The following EPB41L2 variants were observed in gnomAD, a reference collection of about 807,000 sequenced individuals.
EPB41L2 encodes the protein erythrocyte membrane protein band 4.1 like 2.
Under a neutral mutation model 113.0 loss-of-function variants are expected in EPB41L2, and 43 were observed. The observed-to-expected ratio is 0.38, with a 90% CI of 0.30 to 0.49. The LOEUF (loss-of-function observed/expected upper bound fraction) is 0.49, where lower values mean the gene tolerates loss of function less well. Ranked by LOEUF, EPB41L2 falls within the 20% of genes least tolerant of loss-of-function variation. The pLI is 0.95. For missense variants in EPB41L2, 1,147 were observed against 1,223.4 expected (o/e 0.94, Z 0.93); for synonymous variants, 442 against 436.7 (o/e 1.01, Z -0.15).
At position 130,995,554 on chromosome 6, in the gene EPB41L2, G is replaced by C. The variant is rs140054630; in HGVS notation, c.-14-39055C>G. On this transcript the variant is annotated intron_variant, in intron 1 of 19. Transcript: ENST00000337057. ...AACCAAACTGTGCTCTGACCACCACGGGCACATGTCTTCAGGACCTCCTGG... is the reference window on the plus strand; with the variant it reads ...AACCAAACTGTGCTCTGACCACCACCGGCACATGTCTTCAGGACCTCCTGG... Among the ~76,000 whole-genome samples, 1,310 of 152,278 alleles carry C rather than the reference G, an allele frequency of 8.6e-3. 10 individuals carry two copies. The highest frequency in any genetic ancestry group is 0.021 in the South Asian group (102 of 4,818).
chr6:130,888,655 G>A (rs894324241), intron 11 of EPB41L2, among the ~76,000 whole-genome samples: 4 of 152,124 alleles, frequency 2.6e-5, no homozygotes, highest in Admixed American at 2.0e-4. Flanking sequence ...GCATTTATTC[G>A]GCACTTGTAT....
chr6:130,963,003 T>C (rs1773999562), intron 1 of EPB41L2, among the ~76,000 whole-genome samples: 2 of 152,182 alleles, frequency 1.3e-5, no homozygotes, highest in Admixed American at 6.5e-5. Context: ...TACATAACTC[T>C]GTTAAATGCT....
intron 6 of EPB41L2, 61 bp from the exon 7 acceptor site, chr6:130,901,241 C>T: frequency 6.8e-7 from 1 of 1,474,180 alleles, no homozygotes; most frequent in East Asian, 2.3e-5. Context: ...TTGGAGCACT[C>T]ACAGTCCTTA....
chr6:131,051,375 TTC>T (rs1330804471), intron 1 of EPB41L2, among the ~76,000 whole-genome samples: 1 of 151,500 alleles, frequency 6.6e-6, no homozygotes, highest in African/African-American at 2.4e-5. Flanking sequence ...ATGAGCTAAT[TTC>T]TGTTTCCTCC....
Position 131,009,213 on chromosome 6 carries a change from G to A in EPB41L2, c.-14-52714C>T, listed in dbSNP as rs553436382. ...TGTTCTTGTGATAGTGAGTTCTCAC[G>A]AGGTCTGATGGTTTTATAAGGGGCT... is the stretch of plus-strand genomic sequence containing the variant. On this transcript the variant is annotated intron_variant, in intron 1 of 19. Transcript: ENST00000337057. 1.7e-4 allele frequency among the ~76,000 whole-genome samples: 26 copies of A among 152,266 alleles called. 1 individual carries two copies. The highest frequency in any genetic ancestry group is 5.3e-4 in the African/African-American group (22 of 41,546).
In EPB41L2 at chr6:130,989,734, C is replaced by G. The variant is rs1253292588; in HGVS notation, c.-14-33235G>C. ...TCGTTATCAAAATTAAAACTAGGCC[C>G]TGAGTGAGCTCATCTTTATGCAAGT... is the stretch of plus-strand genomic sequence containing the variant. On this transcript the variant is annotated intron_variant, in intron 1 of 19. Coordinates refer to ENST00000337057, the MANE Select transcript of EPB41L2 (RefSeq NM_001431.4). 6.6e-5 allele frequency among the ~76,000 whole-genome samples: 10 copies of G among 152,308 alleles called. No individual in the cohort carries two copies. In the South Asian group the frequency reaches 1.9e-3, roughly 28 times the overall value.
intron 1 of EPB41L2, among the ~76,000 whole-genome samples, chr6:131,005,172 T>C (rs1327279716): frequency 1.4e-5 from 2 of 144,916 alleles, no homozygotes; most frequent in East Asian, 2.0e-4. Flanking sequence ...CTTGATCTTT[T>C]ACAGAGTTTT....
chr6:130,953,930 A>G (rs1309580266), intron 3 of EPB41L2, among the ~76,000 whole-genome samples: 2 of 151,488 alleles, frequency 1.3e-5, no homozygotes, highest in East Asian at 3.9e-4. Flanking sequence ...TGTGGGCAAT[A>G]AATTCATGTT....
chr6:130,852,218 G>A (rs897231221), intron 19 of EPB41L2, among the ~76,000 whole-genome samples: 4 of 152,046 alleles, frequency 2.6e-5, no homozygotes, highest in African/African-American at 9.7e-5. Context: ...GACAGCTCTG[G>A]GACAAAGGGA....
chr6:130,996,106 G>T (rs922631253), intron 1 of EPB41L2, among the ~76,000 whole-genome samples: 2 of 152,274 alleles, frequency 1.3e-5, no homozygotes, highest in South Asian at 4.2e-4. Flanking sequence ...TCCTTGGAGG[G>T]TTTCCTCTCA....
intron 1 of EPB41L2, among the ~76,000 whole-genome samples, chr6:130,987,052 C>A (rs888178659): frequency 1.3e-5 from 2 of 152,084 alleles, no homozygotes; most frequent in Non-Finnish European, 2.9e-5. Context: ...TGTAACATAT[C>A]AGTACTTCCT....
At chr6:130,988,721 C>T (rs1281657157) in intron 1 of EPB41L2, among the ~76,000 whole-genome samples, 1 of 152,156 alleles carries the variant, frequency 6.6e-6, no homozygotes, top group Non-Finnish European at 1.5e-5. Flanking sequence ...GGAGGGAAAT[C>T]TCAGTGGTAA....
At position 130,893,035 on chromosome 6, in the gene EPB41L2, A is replaced by T. The variant is rs563248965; in HGVS notation, c.1487+1309T>A. On this transcript the variant is annotated intron_variant, in intron 10 of 19. Transcript: ENST00000337057. ...AGAGAAAACTGAGGAAACGGAGAAA[A>T]CAAAGATAAGCAAACTACATGTAAA... Among the ~76,000 whole-genome samples, 3 of 152,356 alleles carry T rather than the reference A, an allele frequency of 2.0e-5. No individual in the cohort carries two copies. The South Asian group carries it at 6.2e-4, about 32-fold the overall frequency.
chr6:130,949,419 A>C (rs1364085232), intron 3 of EPB41L2, among the ~76,000 whole-genome samples: 1 of 152,192 alleles, frequency 6.6e-6, no homozygotes, highest in African/African-American at 2.4e-5. Context: ...TGGGCAACAA[A>C]GCAAGACTTC....
chr6:130,955,207 C>G lies in EPB41L2; in HGVS notation c.603G>C (p.Glu201Asp). ...TTTGAGATGCCTTCTCTGCTTTCAG[C>G]TCATTGGTCTGCACTTCCTTGGTCT... ...KRETKEVQTN[E>D]LKAEKASQKV... The change falls in exon 3 of 20, where the codon GAG becomes GAC. Residue 201 changes from glutamate (E) to aspartate (D), a missense_variant. Transcript: ENST00000337057. 1 of 1,614,170 alleles carries G rather than the reference C, an allele frequency of 6.2e-7. No homozygotes were observed. The highest frequency in any genetic ancestry group is 8.5e-7 in the Non-Finnish European group (1 of 1,180,026).
chr6:131,054,230 A>G (rs1797179983), intron 1 of EPB41L2, among the ~76,000 whole-genome samples: 1 of 152,176 alleles, frequency 6.6e-6, no homozygotes, highest in African/African-American at 2.4e-5. Context: ...TTATGTTGTC[A>G]AGCAGACTTG....
intron 4 of EPB41L2, among the ~76,000 whole-genome samples, chr6:130,923,986 C>G (rs1713733366): frequency 6.6e-6 from 1 of 152,144 alleles, no homozygotes; most frequent in Non-Finnish European, 1.5e-5. Flanking sequence ...TCAACTCCCC[C>G]TCCCCCAGCC....
At chr6:130,961,721 C>T (rs1442478519) in intron 1 of EPB41L2, among the ~76,000 whole-genome samples, 1 of 152,202 alleles carries the variant, frequency 6.6e-6, no homozygotes, top group Non-Finnish European at 1.5e-5. Flanking sequence ...AGGGTAGGTG[C>T]TGCTGCCAGC....
intron 4 of EPB41L2, among the ~76,000 whole-genome samples, chr6:130,925,181 A>ATTTCT (rs1804238763): frequency 7.6e-6 from 1 of 131,480 alleles, no homozygotes; most frequent in African/African-American, 3.4e-5. Context: ...AAAATATCAG[A>ATTTCT]TTTCTTTTCT....
Sources: gnomAD v4.1 joint callset for allele counts (sites outside exome capture counted in the v4.1 genomes callset) on GRCh38, gnomAD v4.1.1 for gene constraint, MANE v1.5 for transcripts, NCBI Gene and HGNC (gene_info 2026-07-23, HGNC 2026-07-21) for gene names.